The following PIK3C2G variants were observed in gnomAD, a reference collection of about 807,000 sequenced individuals.
PIK3C2G encodes the protein phosphatidylinositol 3-kinase C2 domain-containing subunit gamma.
In PIK3C2G, 168 loss-of-function variants were observed where a neutral mutation model predicts 181.1. The ratio of observed to expected loss-of-function variants is 0.93; its 90% CI spans 0.82 to 1.05. The LOEUF (loss-of-function observed/expected upper bound fraction) is 1.05. PIK3C2G is among the 50% of genes least tolerant of loss of function. PIK3C2G has a pLI of 0.00. For synonymous variants in PIK3C2G, 573 were observed against 592.2 expected, an observed-to-expected ratio of 0.97 and a Z score of 0.47; for missense variants, 1,869 against 1,732.8, an observed-to-expected ratio of 1.08 and a Z score of -1.40.
chr12:18,647,927 G>T lies in PIK3C2G; in HGVS notation c.4360G>T (p.Val1454Leu). The change falls in exon 33 of 33, where the codon GTG (valine) becomes TTG (leucine). Residue 1454 changes from valine to leucine, a missense_variant. Physicochemically the swap from Val to Leu is conservative, Grantham distance 32 (BLOSUM62 1). Coordinates refer to ENST00000538779, the MANE Select transcript of PIK3C2G (RefSeq NM_001288772.2). ...ELQGHVLMLIVKSKTVFVGAI... is the reference protein window; with the variant it reads ...ELQGHVLMLILKSKTVFVGAI... ...CCAAGGACATGTCTTAATGCTTATT[G>T]TGAAGAGTAAAACTGTATTTGTGGG... is the stretch of plus-strand genomic sequence containing the variant. 6.3e-7 allele frequency: 1 copy of T among 1,597,318 alleles called. No individual in the cohort carries two copies. The highest frequency in any genetic ancestry group is 8.5e-7 in the Non-Finnish European group (1 of 1,169,664).
At chr12:18,396,661 TTC>T (rs921372929) in intron 15 of PIK3C2G, among the ~76,000 whole-genome samples, 50 of 151,830 alleles carry the variant, frequency 3.3e-4, no homozygotes, top group African/African-American at 1.2e-3. Context: ...ATAAAATAAA[TTC>T]TGTTTTGAAA....
chr12:18,705,288 A>C, the PIK3C2G span: 3 of 1,614,130 alleles, frequency 1.9e-6, no homozygotes, highest in Admixed American at 3.3e-5. Flanking sequence ...TGATTTTCTA[A>C]AGAGAGCACC....
At chr12:18,643,817 G>A (rs781011197) in intron 32 of PIK3C2G, among the ~76,000 whole-genome samples, 5 of 151,788 alleles carry the variant, frequency 3.3e-5, no homozygotes, top group African/African-American at 9.7e-5. Context: ...CACTTCCGCC[G>A]CCTCACTGAG....
At chr12:18,366,653 T>C (rs151178796) in intron 12 of PIK3C2G, among the ~76,000 whole-genome samples, 84 of 152,178 alleles carry the variant, frequency 5.5e-4, no homozygotes, top group African/African-American at 1.9e-3. Context: ...TTAAGAAAAA[T>C]TGTAGTGATT....
At chr12:18,579,200 T>C (rs1946372441) in intron 29 of PIK3C2G, among the ~76,000 whole-genome samples, 1 of 152,182 alleles carries the variant, frequency 6.6e-6, no homozygotes, top group African/African-American at 2.4e-5. Flanking sequence ...ACATATATTT[T>C]ACTCTCATTG....
At chr12:18,451,781 G>T (rs982186193) in intron 18 of PIK3C2G, among the ~76,000 whole-genome samples, 2 of 152,110 alleles carry the variant, frequency 1.3e-5, no homozygotes, top group Non-Finnish European at 1.5e-5. Flanking sequence ...TAGCATGAAG[G>T]GGTGTTGAAT....
the PIK3C2G span, chr12:18,693,590 C>A: frequency 6.3e-7 from 1 of 1,590,304 alleles, no homozygotes; most frequent in Admixed American, 1.7e-5. Flanking sequence ...GGAATTGTTT[C>A]GAGTTGCTGA....
At chr12:18,538,829 G>A (rs1162973663) in intron 25 of PIK3C2G, among the ~76,000 whole-genome samples, 1 of 151,874 alleles carries the variant, frequency 6.6e-6, no homozygotes, top group Non-Finnish European at 1.5e-5. Context: ...TGCATTAGGT[G>A]TACTGAGTCA....
chr12:18,657,600 C>T, the PIK3C2G span, among the ~76,000 whole-genome samples: 3 of 152,070 alleles, frequency 2.0e-5, no homozygotes, highest in African/African-American at 7.2e-5. Flanking sequence ...CTAAGCTAAC[C>T]GAAAAGAGAA....
chr12:18,543,210 T>C (rs993265204), intron 25 of PIK3C2G, among the ~76,000 whole-genome samples: 3 of 152,100 alleles, frequency 2.0e-5, no homozygotes, highest in African/African-American at 7.2e-5. Context: ...TGTCTGTTCA[T>C]GTCCTTTGCC....
intron 8 of PIK3C2G, among the ~76,000 whole-genome samples, chr12:18,334,785 T>A (rs1178877971): frequency 1.3e-5 from 2 of 152,144 alleles, no homozygotes; most frequent in Non-Finnish European, 2.9e-5. Context: ...ACCTTGCGAA[T>A]CAGCCATCAT....
At chr12:18,428,973 T>C (rs1945997546) in intron 18 of PIK3C2G, among the ~76,000 whole-genome samples, 1 of 152,116 alleles carries the variant, frequency 6.6e-6, no homozygotes, top group Non-Finnish European at 1.5e-5. Context: ...AAGTATTGAG[T>C]TGAGTGGTGG....
intron 24 of PIK3C2G, among the ~76,000 whole-genome samples, chr12:18,507,690 T>C (rs1941929591): frequency 1.3e-5 from 2 of 152,184 alleles, no homozygotes; most frequent in African/African-American, 4.8e-5. Context: ...AATTTTGATG[T>C]TTTGTACACT....
chr12:18,430,945 ATT>A (rs879659152), intron 18 of PIK3C2G, among the ~76,000 whole-genome samples: 2 of 150,490 alleles, frequency 1.3e-5, no homozygotes, highest in African/African-American at 4.9e-5. Flanking sequence ...AAATCTGTCC[ATT>A]TTTTTTTTAA....
At chr12:18,372,986 C>T (rs570685763) in intron 13 of PIK3C2G, among the ~76,000 whole-genome samples, 2 of 152,236 alleles carry the variant, frequency 1.3e-5, no homozygotes, top group African/African-American at 2.4e-5. Context: ...CTCACTTCAA[C>T]AATTACACAA....
At chr12:18,276,330 CTTTT>C (rs1948985150) in intron 1 of PIK3C2G, among the ~76,000 whole-genome samples, 1 of 152,262 alleles carries the variant, frequency 6.6e-6, no homozygotes, top group Admixed American at 6.5e-5. Context: ...AGGAGGCTAA[CTTTT>C]TATTGTCTTA....
intron 18 of PIK3C2G, among the ~76,000 whole-genome samples, chr12:18,481,300 A>G (rs548753161): frequency 1.3e-5 from 2 of 152,300 alleles, no homozygotes; most frequent in East Asian, 1.9e-4. Flanking sequence ...CCTATCCTGC[A>G]TCAGGCTCCC....
At chr12:18,558,196 G>A (rs544308201) in intron 26 of PIK3C2G, among the ~76,000 whole-genome samples, 27 of 152,250 alleles carry the variant, frequency 1.8e-4, no homozygotes, top group Admixed American at 1.2e-3. Flanking sequence ...GCCAGAAACA[G>A]TCTTGTGTAT....
chr12:18,712,011 T>A, the PIK3C2G span, among the ~76,000 whole-genome samples: 1 of 152,168 alleles, frequency 6.6e-6, no homozygotes, highest in African/African-American at 2.4e-5. Context: ...GATTTTAAGT[T>A]TATGTTGACA....
Sources: gnomAD v4.1 joint callset for allele counts (sites outside exome capture counted in the v4.1 genomes callset) on GRCh38, gnomAD v4.1.1 for gene constraint, MANE v1.5 for transcripts, NCBI Gene and HGNC (gene_info 2026-07-23, HGNC 2026-07-21) for gene names.